The following GPR141 variants were observed in gnomAD, a reference collection of about 807,000 sequenced individuals.
GPR141 encodes the protein probable G protein-coupled receptor 141.
GPR141 carries 6 observed loss-of-function variants against 6.8 expected under a neutral mutation model. That is an observed-to-expected ratio of 0.88 (90% CI 0.48 to 1.74). The LOEUF (loss-of-function observed/expected upper bound fraction) is 1.74. Ranked by LOEUF, GPR141 falls within the 40% of genes most tolerant of loss-of-function variation. The probability of loss-of-function intolerance (pLI) is 0.01; values close to 1 mark genes in which losing one functional copy is unlikely to be tolerated. For missense variants in GPR141, 372 were observed against 372.9 expected (o/e 1.00, Z 0.02); for synonymous variants, 140 against 142.3 (o/e 0.98, Z 0.11).
intron 2 of GPR141, among the ~76,000 whole-genome samples, chr7:37,710,851 CTGAG>C (rs1329134569): frequency 2.6e-5 from 4 of 152,082 alleles, no homozygotes; most frequent in East Asian, 1.9e-4. Flanking sequence ...TTTTTCTCTC[CTGAG>C]TATCAGAGTT....
intron 2 of GPR141, among the ~76,000 whole-genome samples, chr7:37,729,712 A>G (rs1028801384): frequency 3.9e-5 from 6 of 152,244 alleles, no homozygotes; most frequent in African/African-American, 1.2e-4. Context: ...CTGTGTTTAC[A>G]CCTCAAAGAT....
chr7:37,743,740 G>T lies in GPR141; in HGVS notation c.*2429G>T, dbSNP rs2718040. The stretch of plus-strand genomic sequence containing the variant: ...TTATTTTCATATATTATAATAACAG[G>T]CTTATTAGAAATGTTCTCAAAAGAT... On this transcript the variant is annotated 3_prime_UTR_variant, in exon 3 of 3. Transcript: ENST00000334425. 8.6e-5 allele frequency among the ~76,000 whole-genome samples: 13 copies of T among 151,866 alleles called. No individual in the cohort carries two copies. Among genetic ancestry groups the T allele is most frequent in the Admixed American group, 4.6e-4 (7 of 15,262 alleles).
chr7:37,692,858 G>T (rs548106897), intron 2 of GPR141, among the ~76,000 whole-genome samples: 38 of 152,068 alleles, frequency 2.5e-4, no homozygotes, highest in African/African-American at 8.7e-4. Flanking sequence ...GTTTTTTCTT[G>T]TAAATTTGTT....
intron 2 of GPR141, among the ~76,000 whole-genome samples, chr7:37,710,192 T>G (rs1005794436): frequency 2.0e-5 from 3 of 152,230 alleles, no homozygotes; most frequent in African/African-American, 7.2e-5. Flanking sequence ...GGATTTTTTT[T>G]CTTTTGGGTA....
chr7:37,685,916 T>A (rs1011492970), intron 2 of GPR141, among the ~76,000 whole-genome samples: 2 of 152,166 alleles, frequency 1.3e-5, no homozygotes, highest in Admixed American at 6.5e-5. Flanking sequence ...GTGTCTACTA[T>A]GGGTAAGCCA....
chr7:37,702,179 T>C (rs535978873), intron 2 of GPR141, among the ~76,000 whole-genome samples: 43 of 152,340 alleles, frequency 2.8e-4, no homozygotes, highest in African/African-American at 1.0e-3. Context: ...TAAAGTCTGA[T>C]TTTAAAAATC....
intron 2 of GPR141, among the ~76,000 whole-genome samples, chr7:37,689,420 G>T (rs1809658296): frequency 6.6e-6 from 1 of 152,066 alleles, no homozygotes; most frequent in African/African-American, 2.4e-5. Flanking sequence ...GAGCTTAAAA[G>T]ACTTTCCTTC....
chr7:37,687,132 C>T (rs1222329199), intron 2 of GPR141, among the ~76,000 whole-genome samples: 1 of 152,086 alleles, frequency 6.6e-6, no homozygotes, highest in Non-Finnish European at 1.5e-5. Context: ...TTGATGATGT[C>T]AGTCGGAGCA....
intron 2 of GPR141, among the ~76,000 whole-genome samples, chr7:37,695,038 T>C (rs1809952717): frequency 6.6e-6 from 1 of 152,042 alleles, no homozygotes; most frequent in African/African-American, 2.4e-5. Flanking sequence ...GGGAGATGTA[T>C]ATGGAGCTGT....
At chr7:37,684,265 C>T (rs1809402804) in intron 1 of GPR141, among the ~76,000 whole-genome samples, 5 of 152,078 alleles carry the variant, frequency 3.3e-5, no homozygotes, top group Admixed American at 3.3e-4. Context: ...GTCTTAATTT[C>T]CTTTTGTTAT....
intron 2 of GPR141, among the ~76,000 whole-genome samples, chr7:37,718,302 C>T (rs563320563): frequency 3.9e-5 from 6 of 152,166 alleles, no homozygotes; most frequent in Middle Eastern, 3.4e-3. Flanking sequence ...TGAGGCCAGA[C>T]GTTCAAGGCC....
At chr7:37,726,697 G>T (rs527520836) in intron 2 of GPR141, among the ~76,000 whole-genome samples, 1 of 152,096 alleles carries the variant, frequency 6.6e-6, no homozygotes, top group East Asian at 1.9e-4. Flanking sequence ...AGTATGTGGT[G>T]TATATTATAT....
rs1468448498 is a variant in GPR141 at position 37,742,630 on chromosome 7, ACT to A, written c.*1322_*1323del. The stretch of plus-strand genomic sequence containing the variant: ...GTATATAGAAAAACCATTAATTTAG[ACT>A]CTGTGAGATTAGGTTGCATGAAGAA... On this transcript the variant is annotated 3_prime_UTR_variant, in exon 3 of 3. Coordinates refer to ENST00000334425, the MANE Select transcript of GPR141 (RefSeq NM_001381946.1). Among the ~76,000 whole-genome samples, 1 of 152,022 alleles carries A rather than the reference ACT, an allele frequency of 6.6e-6. No individual in the cohort carries two copies. The highest frequency in any genetic ancestry group is 1.5e-5 in the Non-Finnish European group (1 of 67,988).
chr7:37,691,816 C>T (rs4723694), intron 2 of GPR141, among the ~76,000 whole-genome samples: 1 of 151,618 alleles, frequency 6.6e-6, no homozygotes, highest in African/African-American at 2.4e-5. Flanking sequence ...TTTTTCCCCC[C>T]CTTTAACACT....
chr7:37,740,491 T>C lies in GPR141; in HGVS notation c.98T>C (p.Val33Ala). Residue 33 changes from valine (V) to alanine (A), a missense_variant, in exon 3 of 3, where the codon GTG (valine) becomes GCG (alanine). Physicochemically the swap from Val to Ala is moderately conservative, Grantham distance 64. Coordinates refer to ENST00000334425, the MANE Select transcript of GPR141 (RefSeq NM_001381946.1). Reference protein sequence around the residue: ...LYFIVLIGGLVGVISILFLLV... With the variant: ...LYFIVLIGGLAGVISILFLLV... ...TTCATAGTGCTTATTGGCGGGCTGG[T>C]GGGTGTCATTTCCATTCTTTTCCTC... 1 of 1,614,036 alleles carries C rather than the reference T, an allele frequency of 6.2e-7. No individual in the cohort carries two copies. Among genetic ancestry groups the C allele is most frequent in the Non-Finnish European group, 8.5e-7 (1 of 1,179,940 alleles).
rs116583731 is a variant in GPR141, at chr7:37,706,145, C to A, written c.-15+20562C>A. Among the ~76,000 whole-genome samples, 5 of 152,300 alleles carry A rather than the reference C, an allele frequency of 3.3e-5. 1 individual carries two copies. Among genetic ancestry groups the A allele is most frequent in the Middle Eastern group, 6.8e-3 (2 of 294 alleles). Reference sequence around the variant, plus strand: ...GGCCTGCATGGTGTTTACACACACACAAAAATAATGGCTTCTCTTCAGTTC... The same window carrying A: ...GGCCTGCATGGTGTTTACACACACAAAAAAATAATGGCTTCTCTTCAGTTC... On this transcript the variant is annotated intron_variant, in intron 2 of 2. Coordinates refer to ENST00000334425, the MANE Select transcript of GPR141 (RefSeq NM_001381946.1).
intron 2 of GPR141, among the ~76,000 whole-genome samples, chr7:37,707,308 TAGAG>T (rs1334658714): frequency 6.6e-6 from 1 of 152,220 alleles, no homozygotes; most frequent in Non-Finnish European, 1.5e-5. Context: ...AATGTAGGCT[TAGAG>T]AGGTCAAACA....
chr7:37,691,855 C>G (rs1026381654), intron 2 of GPR141, among the ~76,000 whole-genome samples: 1 of 152,108 alleles, frequency 6.6e-6, no homozygotes, highest in African/African-American at 2.4e-5. Context: ...TCTCTCCTGG[C>G]CTGTTAGATT....
intron 2 of GPR141, among the ~76,000 whole-genome samples, chr7:37,710,951 C>G (rs1165437823): frequency 6.6e-6 from 1 of 152,150 alleles, no homozygotes; most frequent in Non-Finnish European, 1.5e-5. Flanking sequence ...GGATGACTTA[C>G]CATGTGACCT....
Sources: gnomAD v4.1 joint callset for allele counts (sites outside exome capture counted in the v4.1 genomes callset) on GRCh38, gnomAD v4.1.1 for gene constraint, MANE v1.5 for transcripts, NCBI Gene and HGNC (gene_info 2026-07-23, HGNC 2026-07-21) for gene names.